MS4A2: variants seen among roughly 807,000 people sequenced by gnomAD.
The protein encoded by MS4A2 is high affinity immunoglobulin epsilon receptor subunit beta.
In MS4A2, 26 loss-of-function variants were observed where a neutral mutation model predicts 27.9. That is an observed-to-expected ratio of 0.93 (90% CI 0.68 to 1.29). The LOEUF is 1.29. Among genes scored for constraint, MS4A2 ranks in the 50% most tolerant of loss-of-function variants. The pLI is 0.00. For missense variants in MS4A2, 284 were observed against 284.6 expected (o/e 1.00, Z 0.01); for synonymous variants, 110 against 98.8 (o/e 1.11, Z -0.67).
At chr11:60,094,678 G>A (rs1442767811) in intron 6 of MS4A2, among the ~76,000 whole-genome samples, 1 of 152,198 alleles carries the variant, frequency 6.6e-6, no homozygotes, top group Non-Finnish European at 1.5e-5. Context: ...GCTGGGCACG[G>A]TGGCTCACGC....
intron 3 of MS4A2, among the ~76,000 whole-genome samples, chr11:60,092,391 G>A (rs1427807818): frequency 1.3e-5 from 2 of 151,614 alleles, no homozygotes; most frequent in African/African-American, 4.9e-5. Context: ...TGCCTCCCGG[G>A]TTCAAGTGAT....
At position 60,094,073 on chromosome 11, in the gene MS4A2, G is replaced by T; in HGVS notation, c.636+11G>T. The T allele has an allele frequency of 6.3e-7, 1 of 1,576,280 alleles. No homozygotes were observed. Among genetic ancestry groups the T allele is most frequent in the Non-Finnish European group, 8.7e-7 (1 of 1,145,746 alleles). On this transcript the variant is annotated intron_variant, in intron 6 of 6. Transcript: ENST00000278888. ...CTCAAAGGAAACAAGGTAGATAGAA[G>T]CCCGATATAAAATCTTGAATGACAG...
chr11:60,089,700 C>T lies in MS4A2; in HGVS notation c.65C>T (p.Ala22Val), dbSNP rs1158176982. Residue 22 changes from alanine to valine, a missense_variant, in exon 2 of 7, where the codon GCA becomes GTA. Transcript: ENST00000278888. ...ALPQEPSSVP[A>V]FEVLEISPQE... ...GCTTTTAAATTTCACAGTGTGCCTG[C>T]ATTTGAAGTCTTGGAAATATCTCCC... The T allele has an allele frequency of 6.2e-7, 1 of 1,614,004 alleles. No individual in the cohort carries two copies. The highest frequency in any genetic ancestry group is 8.5e-7 in the Non-Finnish European group (1 of 1,180,000).
chr11:60,094,439 G>A (rs1855829927), intron 6 of MS4A2, among the ~76,000 whole-genome samples: 3 of 152,168 alleles, frequency 2.0e-5, no homozygotes, highest in Non-Finnish European at 4.4e-5. Flanking sequence ...TTTGTTTCTT[G>A]ACTTTTCCTT....
chr11:60,092,146 G>A (rs1167564510), intron 3 of MS4A2, among the ~76,000 whole-genome samples: 1 of 152,088 alleles, frequency 6.6e-6, no homozygotes, highest in East Asian at 1.9e-4. Flanking sequence ...CCCTGATGTT[G>A]CTGGACGTTG....
At chr11:60,092,876 A>T in intron 4 of MS4A2, 28 bp downstream of exon 4, 1 of 1,602,920 alleles carries the variant, frequency 6.2e-7, no homozygotes, top group Non-Finnish European at 8.5e-7. Flanking sequence ...GTCTTTGTCC[A>T]TCCTTGAAAA....
chr11:60,095,471 A>G (rs961321341), intron 6 of MS4A2, 87 bp from the exon 7 acceptor site: 9 of 834,688 alleles, frequency 1.1e-5, no homozygotes, highest in Non-Finnish European at 1.9e-5. Context: ...CAGAAAGACA[A>G]AAGTAGATGA....
intron 3 of MS4A2, among the ~76,000 whole-genome samples, chr11:60,091,542 C>T (rs943618887): frequency 1.5e-4 from 23 of 152,184 alleles, no homozygotes; most frequent in African/African-American, 3.9e-4. Flanking sequence ...ACTCCTTGTC[C>T]TCTCGTTCCC....
At chr11:60,089,627 G>C in intron 1 of MS4A2, 65 bp from the exon 2 acceptor site, 1 of 1,603,274 alleles carries the variant, frequency 6.2e-7, no homozygotes. Context: ...CTTTCTGTCT[G>C]TCGAGAATGT....
chr11:60,092,885 A>G lies in MS4A2; in HGVS notation c.378+37A>G, dbSNP rs17860456. 14,597 of 1,588,730 alleles carry G rather than the reference A, an allele frequency of 9.2e-3. 103 individuals are homozygous for G. Among genetic ancestry groups the G allele is most frequent in the Non-Finnish European group, 0.01 (11,987 of 1,157,638 alleles). ...GTTTCTGTCTTTGTCCATCCTTGAA[A>G]AGATAAGAAGAACAGAGTTTTAAGA... is the stretch of plus-strand genomic sequence containing the variant. On this transcript the variant is annotated intron_variant, in intron 4 of 6. Coordinates refer to ENST00000278888, the MANE Select transcript of MS4A2 (RefSeq NM_000139.5).
intron 2 of MS4A2, 117 bp downstream of exon 2, chr11:60,089,938 A>C (rs547074576): frequency 6.0e-6 from 8 of 1,334,752 alleles, no homozygotes; most frequent in Non-Finnish European, 8.2e-6. Context: ...CCTTTAAAAA[A>C]CATGGTAGAT....
At chr11:60,089,942 G>C (rs1300848860) in intron 2 of MS4A2, 121 bp downstream of exon 2, 2 of 1,297,990 alleles carry the variant, frequency 1.5e-6, no homozygotes, top group East Asian at 2.4e-5. Flanking sequence ...TAAAAAACAT[G>C]GTAGATAAAG....
intron 5 of MS4A2, 140 bp downstream of exon 5, chr11:60,093,698 C>A: frequency 8.0e-7 from 1 of 1,247,226 alleles, no homozygotes; most frequent in African/African-American, 1.5e-5. Flanking sequence ...GTTCACACAG[C>A]CCAGGGAGAT....
chr11:60,094,804 C>T (rs1450828067), intron 6 of MS4A2, among the ~76,000 whole-genome samples: 2 of 152,012 alleles, frequency 1.3e-5, no homozygotes, highest in African/African-American at 4.8e-5. Context: ...AATCTTAAAC[C>T]AAATCTCTAC....
At position 60,088,759 on chromosome 11, in the gene MS4A2, T is replaced by A. The variant is rs1281314272; in HGVS notation, c.-7T>A. 3 of 1,610,968 alleles carry A rather than the reference T, an allele frequency of 1.9e-6. No individual in the cohort carries two copies. The highest frequency in any genetic ancestry group is 2.5e-6 in the Non-Finnish European group (3 of 1,178,194). ...CTTTATTCCTGGACAGCTCGGTTAA[T>A]GAAAAAATGGACACAGAAAGTAATA... On this transcript the variant is annotated 5_prime_UTR_variant, in exon 1 of 7. An upstream start codon of the reference 5' UTR is lost. Transcript: ENST00000278888.
At position 60,097,256 on chromosome 11, in the gene MS4A2, G is replaced by A. The variant is rs12574295; in HGVS notation, c.*1600G>A. ...CATAAACATGCATTGTGAAACTGTA[G>A]AGAGCAGGTAGCCCAAAATAGAGAA... On this transcript the variant is annotated 3_prime_UTR_variant, in exon 7 of 7. Coordinates refer to ENST00000278888, the MANE Select transcript of MS4A2 (RefSeq NM_000139.5). 1 of 152,188 alleles carries A rather than the reference G, an allele frequency of 6.6e-6. No homozygotes were observed. The highest frequency in any genetic ancestry group is 2.4e-5 in the African/African-American group (1 of 41,452). 9.4% of individuals were successfully genotyped at this position (152,188 alleles called of 1,614,324 possible).
chr11:60,095,261 T>C (rs927183477), intron 6 of MS4A2, among the ~76,000 whole-genome samples: 2 of 152,060 alleles, frequency 1.3e-5, no homozygotes, highest in Non-Finnish European at 2.9e-5. Context: ...AGATTCTGTC[T>C]CAAAAAAAAT....
At chr11:60,093,924 A>T (rs1263186855) in intron 5 of MS4A2, 40 bp from the exon 6 acceptor site, 16 of 1,502,438 alleles carry the variant, frequency 1.1e-5, no homozygotes, top group Non-Finnish European at 1.4e-5. Flanking sequence ...GGCGAATACC[A>T]TGTGACTCTT....
rs1300903541 is a variant in MS4A2, at chr11:60,096,518, C to T, written c.*862C>T. 6.6e-6 allele frequency: 1 copy of T among 152,092 alleles called. No individual in the cohort carries two copies. Among genetic ancestry groups the T allele is most frequent in the Non-Finnish European group, 1.5e-5 (1 of 68,022 alleles). The allele number at this position is 152,092 out of a possible 1,614,324, so 9.4% of individuals were successfully genotyped here. On this transcript the variant is annotated 3_prime_UTR_variant, in exon 7 of 7. Coordinates refer to ENST00000278888, the MANE Select transcript of MS4A2 (RefSeq NM_000139.5). ...TAACAAATTAAAGAATAAAGTTAGA[C>T]AAGCAACTGGTTGACTAATACATTA...
Sources: gnomAD v4.1 joint callset for allele counts (sites outside exome capture counted in the v4.1 genomes callset) on GRCh38, gnomAD v4.1.1 for gene constraint, MANE v1.5 for transcripts, NCBI Gene and HGNC (gene_info 2026-07-23, HGNC 2026-07-21) for gene names.